Variants in CLOCK observed in about 807,000 individuals in gnomAD.
CLOCK encodes the protein circadian locomoter output cycles protein kaput.
A neutral mutation model predicts 118.4 loss-of-function variants in CLOCK; 43 were observed. The ratio of observed to expected loss-of-function variants is 0.36; its 90% CI spans 0.28 to 0.47. The LOEUF (loss-of-function observed/expected upper bound fraction) is 0.47, where lower values mean the gene tolerates loss of function less well. Ranked by LOEUF, CLOCK falls within the 20% of genes least tolerant of loss-of-function variation. The probability of loss-of-function intolerance (pLI) is 1.00; values close to 1 mark genes in which losing one functional copy is unlikely to be tolerated. For missense variants in CLOCK, 846 were observed against 999.9 expected, an observed-to-expected ratio of 0.85 and a Z score of 2.08; for synonymous variants, 326 against 339.2, an observed-to-expected ratio of 0.96 and a Z score of 0.43.
rs1722812405 is a variant in CLOCK, at chr4:55,435,586, C to T, written c.2370G>A (p.Arg790=). ...QPPQQFLQTS[R]LLHGNPSTQL... ...GAGTTGAGGGATTCCCATGGAGCAACCTAGAAGTCTAAAAAACAAATGGAT... is the reference window on the plus strand; with the variant it reads ...GAGTTGAGGGATTCCCATGGAGCAATCTAGAAGTCTAAAAAACAAATGGAT... The change falls in exon 23 of 23, where the codon AGG becomes AGA. Residue 790 remains arginine (R), a synonymous_variant. Coordinates refer to ENST00000513440, the MANE Select transcript of CLOCK (RefSeq NM_004898.4). The T allele has an allele frequency of 6.2e-7, 1 of 1,613,796 alleles. No individual in the cohort carries two copies. The highest frequency in any genetic ancestry group is 8.5e-7 in the Non-Finnish European group (1 of 1,179,836).
chr4:55,473,116 T>C (rs909705629), intron 7 of CLOCK, among the ~76,000 whole-genome samples: 2 of 152,048 alleles, frequency 1.3e-5, no homozygotes, highest in Non-Finnish European at 2.9e-5. Context: ...TCCCAGTTAC[T>C]TGGGAGGCTA....
At chr4:55,486,073 AATTTCTCAAT>A (rs1374521987) in intron 3 of CLOCK, among the ~76,000 whole-genome samples, 1 of 152,128 alleles carries the variant, frequency 6.6e-6, no homozygotes, top group East Asian at 1.9e-4. Context: ...ACATTTCCCC[AATTTCTCAAT>A]ATCATAATTT....
At chr4:55,437,478 T>C (rs574892606) in intron 22 of CLOCK, among the ~76,000 whole-genome samples, 1 of 152,330 alleles carries the variant, frequency 6.6e-6, no homozygotes, top group South Asian at 2.1e-4. Context: ...CTTTCTTCTG[T>C]ATCCTATAGA....
At chr4:55,481,339 C>G (rs1375963081) in intron 4 of CLOCK, among the ~76,000 whole-genome samples, 1 of 151,998 alleles carries the variant, frequency 6.6e-6, no homozygotes, top group Admixed American at 6.6e-5. Context: ...CCATGACATT[C>G]AGAGATAAGG....
intron 1 of CLOCK, among the ~76,000 whole-genome samples, chr4:55,524,444 A>G (rs949897159): frequency 2.0e-5 from 3 of 151,960 alleles, no homozygotes; most frequent in South Asian, 4.1e-4. Context: ...AGAAAATATT[A>G]ATACCTATTA....
chr4:55,513,891 G>C (rs1729319280), intron 1 of CLOCK, among the ~76,000 whole-genome samples: 1 of 151,872 alleles, frequency 6.6e-6, no homozygotes, highest in African/African-American at 2.4e-5. Flanking sequence ...TAATGTAATG[G>C]TATTGTGTTT....
At chr4:55,505,272 T>C (rs955728269) in intron 2 of CLOCK, among the ~76,000 whole-genome samples, 5 of 151,354 alleles carry the variant, frequency 3.3e-5, no homozygotes, top group Admixed American at 1.3e-4. Flanking sequence ...AAACAAAGTA[T>C]ATGTAAAAGC....
intron 8 of CLOCK, among the ~76,000 whole-genome samples, chr4:55,466,688 C>A (rs948129268): frequency 1.3e-5 from 2 of 152,032 alleles, no homozygotes; most frequent in African/African-American, 4.8e-5. Flanking sequence ...CAATGCCTGC[C>A]CCAACAATTC....
At chr4:55,504,231 A>G (rs1166856260) in intron 2 of CLOCK, among the ~76,000 whole-genome samples, 1 of 139,850 alleles carries the variant, frequency 7.2e-6, no homozygotes, top group African/African-American at 2.6e-5. Context: ...GCTTGCAGTG[A>G]GCCAAGATCG....
intron 9 of CLOCK, among the ~76,000 whole-genome samples, chr4:55,460,338 G>A (rs1238701352): frequency 2.0e-5 from 3 of 152,086 alleles, no homozygotes; most frequent in Non-Finnish European, 2.9e-5. Flanking sequence ...AGCATTTTAC[G>A]TGAGACAAAG....
At position 55,427,905 on chromosome 4, in the gene CLOCK, G is replaced by C. The variant is rs1163292407; in HGVS notation, c.*7510C>G. 6.6e-6 allele frequency: 1 copy of C among 152,204 alleles called. No homozygotes were observed. Among genetic ancestry groups the C allele is most frequent in the African/African-American group, 2.4e-5 (1 of 41,454 alleles). The allele number at this position is 152,204 out of a possible 1,614,324, so 9.4% of individuals were successfully genotyped here. ...GAATAAAAGAAAGGGAAATGTCATT[G>C]ATAGTGATCTTAAAATATTTAATAG... is the stretch of plus-strand genomic sequence containing the variant. On this transcript the variant is annotated 3_prime_UTR_variant, in exon 23 of 23. Transcript: ENST00000513440.
chr4:55,444,486 T>C (rs190583500), intron 19 of CLOCK, 147 bp downstream of exon 19: 4 of 911,510 alleles, frequency 4.4e-6, no homozygotes, highest in African/African-American at 3.3e-5. Flanking sequence ...AGTATAATCA[T>C]ACTGAGTAGG....
At chr4:55,533,681 T>C (rs1730698945) in intron 1 of CLOCK, among the ~76,000 whole-genome samples, 9 of 151,752 alleles carry the variant, frequency 5.9e-5, no homozygotes, top group Non-Finnish European at 1.3e-4. Flanking sequence ...GGCAGGTGGA[T>C]CACCTGAGGT....
intron 2 of CLOCK, among the ~76,000 whole-genome samples, chr4:55,504,700 G>A (rs898050189): frequency 6.6e-6 from 1 of 151,910 alleles, no homozygotes; most frequent in African/African-American, 2.4e-5. Flanking sequence ...TATACTTATT[G>A]GTATTTAACT....
intron 9 of CLOCK, among the ~76,000 whole-genome samples, chr4:55,463,223 T>C (rs950391690): frequency 1.5e-5 from 2 of 131,644 alleles, no homozygotes; most frequent in African/African-American, 5.1e-5. Flanking sequence ...ATCTAACAAA[T>C]GACTGTTTAA....
At chr4:55,435,711 A>G (rs978570626) in intron 22 of CLOCK, 117 bp from the exon 23 acceptor site, 4 of 1,020,436 alleles carry the variant, frequency 3.9e-6, no homozygotes, top group Non-Finnish European at 3.0e-6. Context: ...TACATAATGC[A>G]TATCACTTTC....
intron 1 of CLOCK, among the ~76,000 whole-genome samples, chr4:55,532,391 T>C (rs1276466340): frequency 6.6e-6 from 1 of 152,138 alleles, no homozygotes; most frequent in Non-Finnish European, 1.5e-5. Context: ...ACAGATGACA[T>C]GATTTATATG....
rs1355928224 is a variant in CLOCK at position 55,430,689 on chromosome 4, A to G, written c.*4726T>C. On this transcript the variant is annotated 3_prime_UTR_variant, in exon 23 of 23. Coordinates refer to ENST00000513440, the MANE Select transcript of CLOCK (RefSeq NM_004898.4). ...ATGCCAACATTTCAGGGCACATTTA[A>G]AACACTCAGAATAATTCTTGAAATT... The G allele has an allele frequency of 4.6e-5, 7 of 152,186 alleles. No homozygotes were observed. The highest frequency in any genetic ancestry group is 8.8e-5 in the Non-Finnish European group (6 of 68,028). 9.4% of individuals were successfully genotyped at this position (152,186 alleles called of 1,614,324 possible).
intron 8 of CLOCK, among the ~76,000 whole-genome samples, chr4:55,467,840 C>T (rs757674830): frequency 2.0e-5 from 3 of 152,086 alleles, no homozygotes; most frequent in Non-Finnish European, 2.9e-5. Flanking sequence ...TGGGCTTATC[C>T]TACTATTTGA....
Sources: allele counts gnomAD v4.1 joint callset (sites outside exome capture counted in the v4.1 genomes callset), GRCh38; gene constraint gnomAD v4.1.1; transcripts MANE v1.5; gene names NCBI Gene and HGNC (gene_info 2026-07-23, HGNC 2026-07-21).